Variants in SMOC1 observed in about 807,000 individuals in gnomAD.
SMOC1 encodes SPARC-related modular calcium-binding protein 1.
SMOC1 carries 22 observed loss-of-function variants against 56.3 expected under a neutral mutation model. The observed-to-expected ratio is 0.39, with a 90% CI of 0.28 to 0.56. SMOC1 has a LOEUF of 0.56. Ranked by LOEUF, SMOC1 falls within the 20% of genes least tolerant of loss-of-function variation. The probability of loss-of-function intolerance (pLI) is 0.61; values close to 1 mark genes in which losing one functional copy is unlikely to be tolerated. For synonymous variants in SMOC1, 193 were observed against 215.0 expected (o/e 0.90, Z 0.89); for missense variants, 509 against 565.4 (o/e 0.90, Z 1.01).
At chr14:69,941,424 C>A (rs1190463010) in intron 1 of SMOC1, among the ~76,000 whole-genome samples, 1 of 152,162 alleles carries the variant, frequency 6.6e-6, no homozygotes, top group Non-Finnish European at 1.5e-5. Flanking sequence ...GATGGGTTTG[C>A]TAAGCTCATC....
At chr14:69,894,797 C>T (rs1043603316) in intron 1 of SMOC1, among the ~76,000 whole-genome samples, 32 of 151,994 alleles carry the variant, frequency 2.1e-4, no homozygotes, top group Non-Finnish European at 4.7e-4. Flanking sequence ...AGAGTTGGAG[C>T]TGACAGGAAA....
Position 69,993,689 on chromosome 14 carries a change from CTG to C in SMOC1, c.584-708_584-707del, listed in dbSNP as rs1884654107. ...TCTAAAAGTTTAGATGTAGATGTCT[CTG>C]TGATCCACAAAGGTCCTGGATCATT... On this transcript the variant is annotated intron_variant, in intron 6 of 11. Transcript: ENST00000361956. 2.6e-5 allele frequency among the ~76,000 whole-genome samples: 4 copies of C among 152,280 alleles called. No individual in the cohort carries two copies. In the South Asian group the frequency reaches 8.3e-4, roughly 32 times the overall value.
chr14:69,985,049 A>G (rs571130612), intron 5 of SMOC1, among the ~76,000 whole-genome samples: 2 of 152,184 alleles, frequency 1.3e-5, no homozygotes, highest in East Asian at 1.9e-4. Flanking sequence ...AAGAAAAAAA[A>G]AAAAGAAAAG....
intron 1 of SMOC1, among the ~76,000 whole-genome samples, chr14:69,921,248 A>G (rs1884833810): frequency 6.6e-6 from 1 of 152,110 alleles, no homozygotes. Context: ...TGCCTTGGTC[A>G]TTACATCATG....
At chr14:69,994,904 T>C (rs889951091) in intron 7 of SMOC1, among the ~76,000 whole-genome samples, 1 of 152,136 alleles carries the variant, frequency 6.6e-6, no homozygotes, top group African/African-American at 2.4e-5. Context: ...GTCTTGTGAG[T>C]GGTCAAGTTT....
chr14:69,938,384 G>A (rs1301179051), intron 1 of SMOC1, among the ~76,000 whole-genome samples: 2 of 152,082 alleles, frequency 1.3e-5, no homozygotes, highest in African/African-American at 2.4e-5. Context: ...CACAATATGC[G>A]AGTGGATAAA....
intron 1 of SMOC1, among the ~76,000 whole-genome samples, chr14:69,910,088 A>G (rs1474745500): frequency 6.6e-6 from 1 of 152,202 alleles, no homozygotes; most frequent in African/African-American, 2.4e-5. Flanking sequence ...ACAATTCTAG[A>G]TAGAGGAAAT....
intron 1 of SMOC1, among the ~76,000 whole-genome samples, chr14:69,938,243 A>G (rs1194423791): frequency 6.6e-6 from 1 of 152,068 alleles, no homozygotes; most frequent in Non-Finnish European, 1.5e-5. Flanking sequence ...AGGGGCTGGG[A>G]GAGTATAGTA....
chr14:69,965,941 G>T (rs1883559591), intron 3 of SMOC1, among the ~76,000 whole-genome samples: 1 of 152,176 alleles, frequency 6.6e-6, no homozygotes, highest in African/African-American at 2.4e-5. Context: ...CTGCAAAATT[G>T]AAGGGATCAG....
intron 11 of SMOC1, among the ~76,000 whole-genome samples, chr14:70,026,375 TGAGCTCAGATCCACC>T (rs1885925607): frequency 6.6e-6 from 1 of 152,178 alleles, no homozygotes; most frequent in African/African-American, 2.4e-5. Flanking sequence ...CTGAGTGTGG[TGAGCTCAGATCCACC>T]GAGCTCAGGG....
chr14:70,030,091 G>A (rs141309149), intron 11 of SMOC1, 151 bp from the exon 12 acceptor site: 2 of 1,151,690 alleles, frequency 1.7e-6, no homozygotes. Context: ...GCCCCACCTA[G>A]CCTCATAGAG....
chr14:69,949,617 C>T (rs1165176467), intron 1 of SMOC1, among the ~76,000 whole-genome samples: 1 of 152,112 alleles, frequency 6.6e-6, no homozygotes, highest in Admixed American at 6.5e-5. Context: ...TGGAAGAGAC[C>T]GCCTGAGCCA....
chr14:70,010,997 C>G, intron 8 of SMOC1, 51 bp downstream of exon 8: 1 of 1,599,436 alleles, frequency 6.3e-7, no homozygotes, highest in Non-Finnish European at 8.5e-7. Flanking sequence ...TGGCTGTTAT[C>G]CATGCTGGCA....
intron 5 of SMOC1, among the ~76,000 whole-genome samples, chr14:69,986,937 A>G (rs1277074143): frequency 6.6e-6 from 1 of 152,222 alleles, no homozygotes; most frequent in South Asian, 2.1e-4. Flanking sequence ...TTCACCATCC[A>G]TTTCTGAGCC....
chr14:69,926,923 A>G (rs1324236414), intron 1 of SMOC1, among the ~76,000 whole-genome samples: 1 of 152,246 alleles, frequency 6.6e-6, no homozygotes, highest in Non-Finnish European at 1.5e-5. Context: ...GGTTGCTGTG[A>G]AAACCTGGAT....
intron 1 of SMOC1, among the ~76,000 whole-genome samples, chr14:69,904,637 C>T (rs932968026): frequency 6.6e-6 from 1 of 152,178 alleles, no homozygotes; most frequent in Non-Finnish European, 1.5e-5. Flanking sequence ...CTACTTGAGA[C>T]TAAGAAAAGT....
chr14:69,945,403 G>A (rs1882743716), intron 1 of SMOC1, among the ~76,000 whole-genome samples: 1 of 152,170 alleles, frequency 6.6e-6, no homozygotes, highest in Non-Finnish European at 1.5e-5. Flanking sequence ...GATGGGGGCA[G>A]AAGTTTGGTG....
chr14:69,892,604 C>T (rs1883992492), intron 1 of SMOC1, among the ~76,000 whole-genome samples: 2 of 152,200 alleles, frequency 1.3e-5, no homozygotes, highest in Non-Finnish European at 2.9e-5. Context: ...CCCTTACCCA[C>T]ATTCGACCAT....
chr14:69,926,777 G>C (rs1885024084), intron 1 of SMOC1, among the ~76,000 whole-genome samples: 1 of 152,224 alleles, frequency 6.6e-6, no homozygotes, highest in Non-Finnish European at 1.5e-5. Flanking sequence ...CCATAATTGG[G>C]TGTGGAATGG....
Sources: gnomAD v4.1 joint callset for allele counts (sites outside exome capture counted in the v4.1 genomes callset) on GRCh38, gnomAD v4.1.1 for gene constraint, MANE v1.5 for transcripts, NCBI Gene and HGNC (gene_info 2026-07-23, HGNC 2026-07-21) for gene names.